The following BRWD1 variants were observed in gnomAD, a reference collection of about 807,000 sequenced individuals.
BRWD1 encodes bromodomain and WD repeat-containing protein 1.
In BRWD1, 82 loss-of-function variants were observed where a neutral mutation model predicts 251.2. That is an observed-to-expected ratio of 0.33 (90% CI 0.27 to 0.39). The LOEUF is 0.39. Ranked by LOEUF, BRWD1 falls within the 10% of genes least tolerant of loss-of-function variation. BRWD1 has a pLI of 1.00. For missense variants in BRWD1, 2,233 were observed against 2,711.6 expected (o/e 0.82, Z 3.92); for synonymous variants, 918 against 902.8 (o/e 1.02, Z -0.30).
chr21:39,276,225 A>T lies in BRWD1; in HGVS notation c.1105-12T>A. On this transcript the variant is annotated splice_polypyrimidine_tract_variant and intron_variant, in intron 11 of 40. Coordinates refer to ENST00000342449, the MANE Select transcript of BRWD1 (RefSeq NM_033656.4). Reference sequence around the variant, plus strand: ...CTATCTACTTTATCCTAAAGGGGGGAAAAGGACAAATACAAAAATGATCAT... The same window carrying T: ...CTATCTACTTTATCCTAAAGGGGGGTAAAGGACAAATACAAAAATGATCAT... The T allele has an allele frequency of 6.3e-7, 1 of 1,585,448 alleles. No homozygotes were observed. The highest frequency in any genetic ancestry group is 8.6e-7 in the Non-Finnish European group (1 of 1,160,986).
At chr21:39,296,027 T>C (rs2035953123) in intron 6 of BRWD1, 124 bp from the exon 7 acceptor site, 1 of 809,698 alleles carries the variant, frequency 1.2e-6, no homozygotes, top group Non-Finnish European at 1.8e-6. Flanking sequence ...AATGACACAA[T>C]TTCTTCCCAA....
At chr21:39,316,868 G>GC (rs2036704405), upstream of BRWD1, among the ~76,000 whole-genome samples, 2 of 151,994 alleles carry the variant, frequency 1.3e-5, no homozygotes, top group South Asian at 4.2e-4. Context: ...AGCCGGGGGG[G>GC]ATTGACGCTG....
At position 39,313,613 on chromosome 21, in the gene BRWD1, CCATACCGTGCG is replaced by C; in HGVS notation, c.-133_-123del. 1.2e-5 allele frequency: 9 copies of C among 780,790 alleles called. No individual in the cohort carries two copies. The highest frequency in any genetic ancestry group is 1.4e-5 in the Non-Finnish European group (8 of 579,136). The allele number at this position is 780,790 out of a possible 1,614,324, so 48.4% of individuals were successfully genotyped here. A position where few individuals can be genotyped will look rare whatever the true frequency, so the allele number is the denominator to read the frequency against. ...CGCGCCGCCGCCGCCGCCGCCGCCG[CCATACCGTGCG>C]CGCCGCCTGGACCGACGCCTCCGCG... is the stretch of plus-strand genomic sequence containing the variant. On this transcript the variant is annotated 5_prime_UTR_variant, in exon 1 of 41. It removes an upstream start codon present in the reference 5' UTR. Coordinates refer to ENST00000342449, the MANE Select transcript of BRWD1 (RefSeq NM_033656.4).
At chr21:39,217,081 A>G (rs868609161) in intron 31 of BRWD1, 2 of 11,514 alleles carry the variant, frequency 1.7e-4, no homozygotes, top group Non-Finnish European at 3.1e-4. Flanking sequence ...ATATATATAT[A>G]TATTTTTTTT....
At chr21:39,235,964 CT>C in intron 23 of BRWD1, 2 of 211,768 alleles carry the variant, frequency 9.4e-6, no homozygotes, top group South Asian at 9.6e-5. Flanking sequence ...TGGCAAGAGG[CT>C]TATGGAATTT....
intron 19 of BRWD1, among the ~76,000 whole-genome samples, chr21:39,254,353 A>G (rs929192534): frequency 6.6e-6 from 1 of 152,262 alleles, no homozygotes; most frequent in Non-Finnish European, 1.5e-5. Context: ...ATGAACTATA[A>G]TATCTTCCCC....
At position 39,301,988 on chromosome 21, in the gene BRWD1, T is replaced by G. The variant is rs1213667632; in HGVS notation, c.199-3406A>C. 3.6e-5 allele frequency among the ~76,000 whole-genome samples: 5 copies of G among 139,194 alleles called. No homozygotes were observed. In the East Asian group the frequency reaches 8.1e-4, roughly 22 times the overall value. 91.3% of individuals were successfully genotyped at this position (139,194 alleles called of 152,430 possible). Reference sequence around the variant, plus strand: ...TAAAAAGCTTTGTGTGTTTTTTTTTTTTTTTTTTTTTTTTGAGACAGTCTT... The same window carrying G: ...TAAAAAGCTTTGTGTGTTTTTTTTTGTTTTTTTTTTTTTTGAGACAGTCTT... On this transcript the variant is annotated intron_variant, in intron 4 of 40. Coordinates refer to ENST00000342449, the MANE Select transcript of BRWD1 (RefSeq NM_033656.4).
chr21:39,298,502 A>T lies in BRWD1; in HGVS notation c.279T>A (p.Ile93=), dbSNP rs759702375. 1 of 1,611,330 alleles carries T rather than the reference A, an allele frequency of 6.2e-7. No individual in the cohort carries two copies. The highest frequency in any genetic ancestry group is 8.5e-7 in the Non-Finnish European group (1 of 1,179,242). Residue 93 remains isoleucine (I), a synonymous_variant, in exon 5 of 41, where the codon ATT becomes ATA. Transcript: ENST00000342449. Reference sequence around the variant, plus strand: ...AAGTGACTCTTGAAATACTGGGTGGAATTTCTTTATCCAACATAGGACCGA... The same window carrying T: ...AAGTGACTCTTGAAATACTGGGTGGTATTTCTTTATCCAACATAGGACCGA... The part of the protein sequence containing the change: ...QRIGPMLDKE[I]PPSISRVTSL...
chr21:39,251,922 T>C (rs2034406755), intron 19 of BRWD1, among the ~76,000 whole-genome samples: 2 of 152,142 alleles, frequency 1.3e-5, no homozygotes, highest in African/African-American at 2.4e-5. Flanking sequence ...CCTAATGAGA[T>C]GGTCAGCTAA....
At chr21:39,280,825 T>C (rs189277108) in intron 8 of BRWD1, among the ~76,000 whole-genome samples, 77 of 152,294 alleles carry the variant, frequency 5.1e-4, no homozygotes, top group Non-Finnish European at 9.8e-4. Context: ...AATGGGTCAA[T>C]GATTTAAATA....
chr21:39,317,044 G>A (rs949589486), upstream of BRWD1: 8 of 152,178 alleles, frequency 5.3e-5, no homozygotes, highest in African/African-American at 1.7e-4. Flanking sequence ...ATTTTGAATA[G>A]GAACAAAGAT....
chr21:39,278,433 T>C (rs1380165471), intron 10 of BRWD1: 1 of 288,964 alleles, frequency 3.5e-6, no homozygotes, highest in Non-Finnish European at 6.3e-6. Flanking sequence ...GTTTAGCCTA[T>C]TCAAAGAAAA....
upstream of BRWD1, chr21:39,314,372 C>T (rs1411139755): frequency 2.2e-6 from 1 of 455,040 alleles, no homozygotes; most frequent in Admixed American, 2.4e-5. Flanking sequence ...GTCGGGGGAG[C>T]AGCGCGCAGC....
intron 8 of BRWD1, among the ~76,000 whole-genome samples, chr21:39,292,132 T>TGGG (rs1182694435): frequency 0.13 from 1,645 of 12,294 alleles, 164 homozygotes; most frequent in Non-Finnish European, 0.21. Context: ...TGGGTGGGGG[T>TGGG]GGGGGGGGGG....
intron 21 of BRWD1, among the ~76,000 whole-genome samples, chr21:39,247,161 C>G (rs1043906977): frequency 2.0e-5 from 3 of 151,452 alleles, no homozygotes; most frequent in African/African-American, 7.3e-5. Context: ...TTGTGAGGGG[C>G]TGGGGGAGAG....
At chr21:39,245,621 C>G (rs986786379) in intron 21 of BRWD1, among the ~76,000 whole-genome samples, 4 of 123,758 alleles carry the variant, frequency 3.2e-5, no homozygotes. Context: ...TTTTTTGAAA[C>G]AAGAGTCTCG....
At chr21:39,297,863 T>C in intron 5 of BRWD1, 1 of 980,008 alleles carries the variant, frequency 1.0e-6, no homozygotes. Context: ...TACATATACT[T>C]AGTCTAAGTC....
chr21:39,206,549 G>A (rs1363253055), intron 36 of BRWD1, among the ~76,000 whole-genome samples: 1 of 152,106 alleles, frequency 6.6e-6, no homozygotes, highest in African/African-American at 2.4e-5. Flanking sequence ...AACTGTTTTT[G>A]CCTATTCTAA....
At chr21:39,292,569 T>C (rs1035328892) in intron 8 of BRWD1, among the ~76,000 whole-genome samples, 2 of 152,152 alleles carry the variant, frequency 1.3e-5, no homozygotes, top group African/African-American at 4.8e-5. Context: ...AATGTTTTAA[T>C]CAAGCCCTCC....
Sources: allele counts gnomAD v4.1 joint callset (sites outside exome capture counted in the v4.1 genomes callset), GRCh38; gene constraint gnomAD v4.1.1; transcripts MANE v1.5; gene names NCBI Gene and HGNC (gene_info 2026-07-23, HGNC 2026-07-21).